The following SLC4A10 variants were observed in gnomAD, a reference collection of about 807,000 sequenced individuals.
The protein encoded by SLC4A10 is solute carrier family 4 member 10.
SLC4A10 carries 42 observed loss-of-function variants against 137.7 expected under a neutral mutation model. That is an observed-to-expected ratio of 0.30 (90% CI 0.24 to 0.39). SLC4A10 has a LOEUF of 0.39. Ranked by LOEUF, SLC4A10 falls within the 10% of genes least tolerant of loss-of-function variation. SLC4A10 has a pLI of 1.00. For synonymous variants in SLC4A10, 474 were observed against 464.1 expected (o/e 1.02, Z -0.27); for missense variants, 925 against 1,355.0 (o/e 0.68, Z 4.98).
intron 4 of SLC4A10, among the ~76,000 whole-genome samples, chr2:161,851,230 T>C (rs1290403757): frequency 6.6e-6 from 1 of 152,200 alleles, no homozygotes; most frequent in African/African-American, 2.4e-5. Flanking sequence ...TAGGTTCATT[T>C]GGTCAAGTGT....
chr2:161,887,284 A>T (rs1465660214), intron 10 of SLC4A10, among the ~76,000 whole-genome samples: 2 of 152,174 alleles, frequency 1.3e-5, no homozygotes, highest in African/African-American at 4.8e-5. Flanking sequence ...TTATAGTAGA[A>T]CGTATCTTTA....
At chr2:161,701,167 G>A (rs1196924453) in intron 1 of SLC4A10, among the ~76,000 whole-genome samples, 1 of 151,990 alleles carries the variant, frequency 6.6e-6, no homozygotes, top group Non-Finnish European at 1.5e-5. Context: ...GAAATTGGTA[G>A]TGTGCCTCCA....
chr2:161,890,052 A>G (rs2062754426), intron 10 of SLC4A10, among the ~76,000 whole-genome samples: 1 of 152,200 alleles, frequency 6.6e-6, no homozygotes, highest in African/African-American at 2.4e-5. Context: ...TTTACCCAGT[A>G]GTAATTCAGG....
intron 1 of SLC4A10, among the ~76,000 whole-genome samples, chr2:161,744,021 A>G (rs1035247235): frequency 6.6e-6 from 1 of 152,124 alleles, no homozygotes; most frequent in African/African-American, 2.4e-5. Flanking sequence ...CAGCTCTAGT[A>G]GGCTTTTTTT....
intron 1 of SLC4A10, among the ~76,000 whole-genome samples, chr2:161,659,153 T>A (rs1334714846): frequency 6.6e-6 from 1 of 152,214 alleles, no homozygotes; most frequent in East Asian, 1.9e-4. Context: ...GGAATCAATC[T>A]GTGTGTCCAT....
At chr2:161,695,675 T>C (rs766669779) in intron 1 of SLC4A10, among the ~76,000 whole-genome samples, 3 of 152,172 alleles carry the variant, frequency 2.0e-5, no homozygotes, top group Non-Finnish European at 4.4e-5. Flanking sequence ...CTCTCATTCC[T>C]TAGGCTATTT....
At chr2:161,627,336 T>C (rs1389172623) in intron 1 of SLC4A10, among the ~76,000 whole-genome samples, 1 of 152,114 alleles carries the variant, frequency 6.6e-6, no homozygotes, top group Non-Finnish European at 1.5e-5. Flanking sequence ...TGGCGTTTTT[T>C]AGTTATAATT....
In SLC4A10 at chr2:161,975,722, A is replaced by G. The variant is rs545939113; in HGVS notation, c.3228-1038A>G. The stretch of plus-strand genomic sequence containing the variant: ...CTGTGACCTATCACCAATCAGGGTC[A>G]TATGAAAAGGCGGCATTTGAACAAA... On this transcript the variant is annotated intron_variant, in intron 24 of 26. Coordinates refer to ENST00000446997, the MANE Select transcript of SLC4A10 (RefSeq NM_001178015.2). 7.9e-5 allele frequency among the ~76,000 whole-genome samples: 12 copies of G among 152,342 alleles called. No homozygotes were observed. In the East Asian group the frequency reaches 2.1e-3, roughly 27 times the overall value.
At chr2:161,876,260 G>T (rs1410588545) in intron 8 of SLC4A10, among the ~76,000 whole-genome samples, 1 of 152,100 alleles carries the variant, frequency 6.6e-6, no homozygotes, top group Non-Finnish European at 1.5e-5. Flanking sequence ...AAGTGTTTGT[G>T]TTCACTTGAC....
chr2:161,859,663 C>T (rs1168843804), intron 5 of SLC4A10, among the ~76,000 whole-genome samples: 5 of 130,678 alleles, frequency 3.8e-5, no homozygotes, highest in African/African-American at 1.5e-4. Flanking sequence ...TGCAGTGGCG[C>T]AATCTCGGCT....
At chr2:161,934,678 G>A (rs1691252107) in intron 15 of SLC4A10, among the ~76,000 whole-genome samples, 1 of 151,868 alleles carries the variant, frequency 6.6e-6, no homozygotes, top group Non-Finnish European at 1.5e-5. Flanking sequence ...GTTTTAATTT[G>A]CATTTCTCTG....
At chr2:161,794,843 G>C (rs746287335) in intron 2 of SLC4A10, among the ~76,000 whole-genome samples, 12 of 152,020 alleles carry the variant, frequency 7.9e-5, no homozygotes, top group Non-Finnish European at 1.8e-4. Context: ...TGAACATAAA[G>C]TTAGGAAGAG....
chr2:161,673,248 C>T (rs1337520390), intron 1 of SLC4A10, among the ~76,000 whole-genome samples: 1 of 152,050 alleles, frequency 6.6e-6, no homozygotes, highest in Non-Finnish European at 1.5e-5. Flanking sequence ...TTTTAGTTTC[C>T]CTGTCTCTAA....
At chr2:161,929,137 C>G (rs1410448955) in intron 15 of SLC4A10, among the ~76,000 whole-genome samples, 1 of 151,454 alleles carries the variant, frequency 6.6e-6, no homozygotes, top group Non-Finnish European at 1.5e-5. Flanking sequence ...TTGTTAGCAA[C>G]CAAAAAAAAA....
chr2:161,624,814 T>C (rs548188418), intron 1 of SLC4A10, among the ~76,000 whole-genome samples: 7 of 152,062 alleles, frequency 4.6e-5, no homozygotes, highest in Non-Finnish European at 8.8e-5. Flanking sequence ...TGCTGCTGTT[T>C]GAAGAAATGG....
intron 10 of SLC4A10, 88 bp from the exon 11 acceptor site, chr2:161,894,589 CAT>C: frequency 1.4e-5 from 8 of 590,518 alleles, no homozygotes; most frequent in Non-Finnish European, 1.7e-5. Context: ...GTTATAATCA[CAT>C]GTGAGATAAC....
intron 23 of SLC4A10, among the ~76,000 whole-genome samples, chr2:161,966,912 T>C (rs904693999): frequency 1.3e-5 from 2 of 152,188 alleles, no homozygotes; most frequent in Non-Finnish European, 2.9e-5. Flanking sequence ...TCTAAAATCT[T>C]AAGTTATCTA....
At chr2:161,780,964 T>C (rs2052943328) in intron 2 of SLC4A10, among the ~76,000 whole-genome samples, 1 of 152,012 alleles carries the variant, frequency 6.6e-6, no homozygotes, top group Non-Finnish European at 1.5e-5. Flanking sequence ...AATGTGAACT[T>C]ATCAGAATCT....
chr2:161,982,458 A>G (rs929194855), intron 26 of SLC4A10, among the ~76,000 whole-genome samples: 1 of 152,232 alleles, frequency 6.6e-6, no homozygotes, highest in African/African-American at 2.4e-5. Context: ...TGACCAGTTT[A>G]CTCATTGGTA....
Sources: allele counts gnomAD v4.1 joint callset (sites outside exome capture counted in the v4.1 genomes callset), GRCh38; gene constraint gnomAD v4.1.1; transcripts MANE v1.5; gene names NCBI Gene and HGNC (gene_info 2026-07-23, HGNC 2026-07-21).